ABCA8: variants seen among roughly 807,000 people sequenced by gnomAD.
The protein encoded by ABCA8 is ATP binding cassette subfamily A member 8.
A neutral mutation model predicts 192.3 loss-of-function variants in ABCA8; 177 were observed. That is an observed-to-expected ratio of 0.92 (90% CI 0.81 to 1.04). The LOEUF is 1.04. Among genes scored for constraint, ABCA8 ranks in the 50% least tolerant of loss-of-function variants. The pLI is 0.00. For missense variants in ABCA8, 1,915 were observed against 1,904.8 expected (o/e 1.01, Z -0.10); for synonymous variants, 642 against 690.2 (o/e 0.93, Z 1.09).
intron 10 of ABCA8, among the ~76,000 whole-genome samples, chr17:68,925,470 C>T (rs1454203916): frequency 6.6e-6 from 1 of 152,176 alleles, no homozygotes; most frequent in African/African-American, 2.4e-5. Flanking sequence ...ACATATTACT[C>T]ATAAACATCT....
chr17:68,954,327 C>T (rs1246260322), intron 1 of ABCA8, among the ~76,000 whole-genome samples: 1 of 151,932 alleles, frequency 6.6e-6, no homozygotes, highest in Non-Finnish European at 1.5e-5. Context: ...AGAGGATGAT[C>T]TCCTCACTAT....
rs761042701 is a variant in ABCA8, at chr17:68,903,371, G to A, written c.2527C>T (p.Gln843Ter). The A allele has an allele frequency of 1.2e-6, 2 of 1,614,156 alleles. No homozygotes were observed. The highest frequency in any genetic ancestry group is 1.3e-5 in the African/African-American group (1 of 75,028). ...KTIGGVALWRQQICAIARVRL... is the reference protein window; with the variant it reads ...KTIGGVALWR ...ACCCTTGCAATTGCGCAGATTTGCT[G>A]TCGCCAGAGAGCCACACCACCTATT... Residue 843 changes from glutamine to a stop codon, truncating the protein, a stop_gained, in exon 20 of 40, where the codon CAG becomes TAG. Transcript: ENST00000586539. LOFTEE classifies it high-confidence loss of function.
chr17:68,881,585 C>A (rs1224645721), intron 31 of ABCA8, among the ~76,000 whole-genome samples: 1 of 152,220 alleles, frequency 6.6e-6, no homozygotes, highest in African/African-American at 2.4e-5. Context: ...AAACAATGAA[C>A]TTTAGGAAAT....
chr17:68,921,594 AT>A, intron 12 of ABCA8, 102 bp from the exon 13 acceptor site: 2 of 589,724 alleles, frequency 3.4e-6, no homozygotes, highest in East Asian at 5.7e-5. Flanking sequence ...ATTGTTATTA[AT>A]TCTCTTGAAT....
chr17:68,893,253 T>G (rs891056644), intron 23 of ABCA8, among the ~76,000 whole-genome samples: 9 of 152,204 alleles, frequency 5.9e-5, no homozygotes, highest in Non-Finnish European at 1.0e-4. Context: ...CAAAGAACTC[T>G]CTGAAAGGGA....
intron 37 of ABCA8, among the ~76,000 whole-genome samples, chr17:68,874,457 T>G (rs2143224330): frequency 6.6e-6 from 1 of 152,338 alleles, no homozygotes; most frequent in Non-Finnish European, 1.5e-5. Flanking sequence ...ATTTGAAAAT[T>G]AAGAAGATTT....
chr17:68,917,902 G>A (rs948879011), intron 16 of ABCA8, 145 bp downstream of exon 16: 9 of 974,588 alleles, frequency 9.2e-6, no homozygotes, highest in Middle Eastern at 3.4e-4. Flanking sequence ...GAGGCTTTGC[G>A]TCCAGTTCAA....
chr17:68,903,120 A>T lies in ABCA8; in HGVS notation c.2597+181T>A, dbSNP rs7211979. On this transcript the variant is annotated intron_variant, in intron 20 of 39. Transcript: ENST00000586539. ...TTGGATATCCCATAAAATTTCATGC[A>T]ATATTTGTCCTTTGGATGTCAAGAT... Among the ~76,000 whole-genome samples, 4 of 152,178 alleles carry T rather than the reference A, an allele frequency of 2.6e-5. No homozygotes were observed. In the South Asian group the frequency reaches 8.3e-4, roughly 32 times the overall value.
rs746721593 is a variant in ABCA8 at position 68,924,792 on chromosome 17, C to T, written c.1351G>A (p.Val451Met). The T allele has an allele frequency of 5.0e-6, 8 of 1,614,076 alleles. No homozygotes were observed. In the South Asian group the frequency reaches 6.6e-5, roughly 13 times the overall value. Residue 451 changes from valine to methionine, a missense_variant, in exon 11 of 40, where the codon GTG (valine) becomes ATG (methionine). Coordinates refer to ENST00000586539, the MANE Select transcript of ABCA8 (RefSeq NM_001288985.2). ...FWSQTQKTDH[V>M]ALEDEMDADP... is the part of the protein sequence containing the mutation. ...GCATCCATTTCATCTTCAAGGGCCACGTGATCAGTCTTTTGTGTTTGAGAC... is the reference window on the plus strand; with the variant it reads ...GCATCCATTTCATCTTCAAGGGCCATGTGATCAGTCTTTTGTGTTTGAGAC...
rs931601300 is a variant in ABCA8 at position 68,918,718 on chromosome 17, G to A, written c.1789-172C>T. On this transcript the variant is annotated intron_variant, in intron 14 of 39. Transcript: ENST00000586539. Reference sequence around the variant, plus strand: ...GGAGGCTGAGGCGGGCAGATAACGAGGTGAGGAGTTCGAGACCAGCCTGGC... The same window carrying A: ...GGAGGCTGAGGCGGGCAGATAACGAAGTGAGGAGTTCGAGACCAGCCTGGC... Among the ~76,000 whole-genome samples the A allele has an allele frequency of 5.9e-5, 9 of 152,096 alleles. No homozygotes were observed. In the East Asian group the frequency reaches 1.5e-3, roughly 26 times the overall value.
intron 10 of ABCA8, 36 bp from the exon 11 acceptor site, chr17:68,924,905 T>C (rs1339019347): frequency 6.2e-7 from 1 of 1,603,726 alleles, no homozygotes; most frequent in Non-Finnish European, 8.5e-7. Context: ...ATTGGGTCAA[T>C]GACCACGTTA....
At chr17:68,935,295 TCAGTAGAGAC>T (rs1238659298) in intron 5 of ABCA8, among the ~76,000 whole-genome samples, 2 of 148,586 alleles carry the variant, frequency 1.3e-5, no homozygotes, top group Non-Finnish European at 3.0e-5. Context: ...TGTGTGTGTT[TCAGTAGAGAC>T]GGGGTTTCAC....
chr17:68,890,935 C>T (rs528085145), intron 24 of ABCA8, among the ~76,000 whole-genome samples: 38 of 152,296 alleles, frequency 2.5e-4, no homozygotes, highest in African/African-American at 8.9e-4. Flanking sequence ...AAAATATTGC[C>T]TATCACAAGA....
chr17:68,873,467 A>G (rs2066118268), intron 37 of ABCA8, among the ~76,000 whole-genome samples: 1 of 152,232 alleles, frequency 6.6e-6, no homozygotes, highest in African/African-American at 2.4e-5. Flanking sequence ...TGTCATATAT[A>G]TAATTTGCAA....
In ABCA8 at chr17:68,903,588, T is replaced by C. The variant is rs539538976; in HGVS notation, c.2399-89A>G. On this transcript the variant is annotated intron_variant, in intron 19 of 39. Transcript: ENST00000586539. Reference sequence around the variant, plus strand: ...GCTAAGCATCTCATGATTAGACTCTTCCGCGTTACTATAGGTATAACGTGG... The same window carrying C: ...GCTAAGCATCTCATGATTAGACTCTCCCGCGTTACTATAGGTATAACGTGG... 5.9e-6 allele frequency: 7 copies of C among 1,189,550 alleles called. No homozygotes were observed. In the Admixed American group the frequency reaches 1.3e-4, roughly 21 times the overall value. 73.7% of individuals were successfully genotyped at this position (1,189,550 alleles called of 1,614,324 possible).
intron 21 of ABCA8, among the ~76,000 whole-genome samples, chr17:68,897,722 A>AT (rs1473472276): frequency 2.6e-5 from 4 of 152,208 alleles, no homozygotes; most frequent in African/African-American, 9.6e-5. Flanking sequence ...GAAATGAAAA[A>AT]TTCACTGAAG....
At chr17:68,936,047 GTTAT>G (rs919914700) in intron 5 of ABCA8, among the ~76,000 whole-genome samples, 2 of 152,060 alleles carry the variant, frequency 1.3e-5, no homozygotes, top group African/African-American at 2.4e-5. Context: ...AGGCAAATGG[GTTAT>G]TTGTTTTGCT....
At chr17:68,940,181 CAACTT>C (rs1353214131) in intron 4 of ABCA8, among the ~76,000 whole-genome samples, 1 of 152,078 alleles carries the variant, frequency 6.6e-6, no homozygotes, top group African/African-American at 2.4e-5. Context: ...AACCTTAACT[CAACTT>C]AACAACTACT....
intron 32 of ABCA8, chr17:68,878,561 C>T (rs1433531827): frequency 3.9e-5 from 6 of 152,184 alleles, no homozygotes; most frequent in African/African-American, 9.7e-5. Flanking sequence ...CTGGCTGATC[C>T]AATTAAGCTT....
Sources: allele counts gnomAD v4.1 joint callset (sites outside exome capture counted in the v4.1 genomes callset), GRCh38; gene constraint gnomAD v4.1.1; transcripts MANE v1.5; gene names NCBI Gene and HGNC (gene_info 2026-07-23, HGNC 2026-07-21).